Variants in ITGAE observed in about 807,000 individuals in gnomAD.
ITGAE encodes the protein integrin subunit alpha E, also known as integrin alpha-E.
ITGAE carries 99 observed loss-of-function variants against 136.5 expected under a neutral mutation model. That is an observed-to-expected ratio of 0.73 (90% CI 0.62 to 0.86). ITGAE has a LOEUF of 0.86. ITGAE is among the 40% of genes least tolerant of loss of function. The pLI, the probability that ITGAE is intolerant of heterozygous loss-of-function variation, is 0.00. For synonymous variants in ITGAE, 613 were observed against 591.8 expected (o/e 1.04, Z -0.52); for missense variants, 1,447 against 1,515.3 (o/e 0.95, Z 0.75).
intron 10 of ITGAE, 141 bp downstream of exon 10, chr17:3,756,843 A>G: frequency 2.2e-6 from 2 of 901,474 alleles, no homozygotes; most frequent in Middle Eastern, 3.3e-4. Context: ...ACACCCGGCC[A>G]TTGCCTTTTT....
intron 17 of ITGAE, among the ~76,000 whole-genome samples, chr17:3,746,615 C>G (rs1213632213): frequency 6.6e-6 from 1 of 152,110 alleles, no homozygotes; most frequent in African/African-American, 2.4e-5. Context: ...GCCACCACAC[C>G]TGGCTAATTT....
chr17:3,753,962 T>C (rs1567534542), intron 12 of ITGAE, 37 bp from the exon 13 acceptor site: 2 of 1,600,502 alleles, frequency 1.2e-6, no homozygotes, highest in Non-Finnish European at 1.7e-6. Context: ...ACACACCGTG[T>C]GCTCCCACCT....
intron 2 of ITGAE, among the ~76,000 whole-genome samples, chr17:3,766,069 C>G (rs943766895): frequency 6.6e-6 from 1 of 152,154 alleles, no homozygotes; most frequent in Admixed American, 6.5e-5. Context: ...CCTGGATTAT[C>G]TAGGTGGGCT....
intron 2 of ITGAE, among the ~76,000 whole-genome samples, chr17:3,775,395 A>G (rs989847716): frequency 5.3e-5 from 8 of 152,066 alleles, no homozygotes; most frequent in Non-Finnish European, 1.2e-4. Flanking sequence ...TATTTTTCCC[A>G]TTTTCCTAAG....
intron 19 of ITGAE, among the ~76,000 whole-genome samples, chr17:3,741,070 ATTTTTTTTTTTTT>A (rs58434003): frequency 1.3e-5 from 1 of 76,804 alleles, no homozygotes; most frequent in Non-Finnish European, 2.3e-5. Context: ...TTTTTGTTGT[ATTTTTTTTTTTTT>A]TTTTTTTTTT....
chr17:3,743,389 A>G (rs2051631916), intron 19 of ITGAE, 100 bp downstream of exon 19: 4 of 1,375,008 alleles, frequency 2.9e-6, no homozygotes, highest in South Asian at 3.1e-5. Flanking sequence ...GTCTGAAGAC[A>G]TTGCCTCCCA....
At position 3,734,809 on chromosome 17, in the gene ITGAE, A is replaced by T; in HGVS notation, c.2655+8T>A. 2.5e-6 allele frequency: 4 copies of T among 1,614,078 alleles called. No individual in the cohort carries two copies. The highest frequency in any genetic ancestry group is 3.4e-6 in the Non-Finnish European group (4 of 1,179,960). ...GGGACCTGTTTCCACAGCCACCGTC[A>T]CAGTCACCTTTTGCATCCTCTTCAA... On this transcript the variant is annotated splice_region_variant and intron_variant, in intron 21 of 30. Coordinates refer to ENST00000263087, the MANE Select transcript of ITGAE (RefSeq NM_002208.5).
chr17:3,765,991 C>G (rs973084023), intron 2 of ITGAE, among the ~76,000 whole-genome samples: 1 of 152,146 alleles, frequency 6.6e-6, no homozygotes, highest in African/African-American at 2.4e-5. Context: ...AATATGTTGC[C>G]TTTTATGGCA....
At position 3,780,904 on chromosome 17, in the gene ITGAE, A is replaced by G. The variant is rs867668520; in HGVS notation, c.35-3244T>C. On this transcript the variant is annotated intron_variant, in intron 1 of 30. Transcript: ENST00000263087. ...TTTTTTGTAGAGATGGTGTCTCACTATGTTGCCCAGGCTGGTCTCCAACTC... is the reference window on the plus strand; with the variant it reads ...TTTTTTGTAGAGATGGTGTCTCACTGTGTTGCCCAGGCTGGTCTCCAACTC... 2.6e-5 allele frequency among the ~76,000 whole-genome samples: 4 copies of G among 151,614 alleles called. No individual in the cohort carries two copies. In the South Asian group the frequency reaches 6.2e-4, roughly 24 times the overall value.
At chr17:3,784,110 A>G (rs1205485889) in intron 1 of ITGAE, among the ~76,000 whole-genome samples, 1 of 151,962 alleles carries the variant, frequency 6.6e-6, no homozygotes, top group Non-Finnish European at 1.5e-5. Context: ...AATACAAAAA[A>G]TTAGCCGGGC....
intron 28 of ITGAE, chr17:3,721,774 G>C (rs2051055754): frequency 6.6e-6 from 1 of 152,192 alleles, no homozygotes; most frequent in Non-Finnish European, 1.5e-5. Context: ...GGCCGGGTGT[G>C]GTGGCTCATG....
intron 1 of ITGAE, 45 bp downstream of exon 1, chr17:3,801,066 C>A: frequency 1.9e-6 from 3 of 1,608,030 alleles, no homozygotes; most frequent in Non-Finnish European, 2.6e-6. Flanking sequence ...CTGGCTGGAG[C>A]TGAGGGCACA....
At position 3,760,300 on chromosome 17, in the gene ITGAE, A is replaced by G; in HGVS notation, c.599-13T>C. On this transcript the variant is annotated splice_polypyrimidine_tract_variant and intron_variant, in intron 6 of 30. Transcript: ENST00000263087. ...GCAATCTCGGTGCCTGGCCAAGACA[A>G]ACAGGTCAGGAGTGGGCATGGGATG... 6.4e-7 allele frequency: 1 copy of G among 1,557,946 alleles called. No individual in the cohort carries two copies. The highest frequency in any genetic ancestry group is 8.9e-7 in the Non-Finnish European group (1 of 1,129,814).
chr17:3,795,178 T>A (rs1282194966), intron 1 of ITGAE, among the ~76,000 whole-genome samples: 1 of 152,090 alleles, frequency 6.6e-6, no homozygotes, highest in Non-Finnish European at 1.5e-5. Flanking sequence ...CCCCTCAGCA[T>A]CCTGTGGTCT....
chr17:3,724,040 C>T (rs1272185479), intron 26 of ITGAE: 3 of 1,594,946 alleles, frequency 1.9e-6, no homozygotes, highest in Admixed American at 3.4e-5. Flanking sequence ...CGCAGTGGTT[C>T]CCGCCGCAGG....
chr17:3,786,696 C>T (rs8077495), intron 1 of ITGAE, among the ~76,000 whole-genome samples: 2,870 of 152,068 alleles, frequency 0.019, 97 homozygotes, highest in African/African-American at 0.065. Context: ...TTGAGACTAT[C>T]CTGGCCAACA....
At chr17:3,797,157 A>ATAT (rs1301623728) in intron 1 of ITGAE, among the ~76,000 whole-genome samples, 1 of 94,436 alleles carries the variant, frequency 1.1e-5, no homozygotes, top group Non-Finnish European at 2.1e-5. Context: ...ATATATATAT[A>ATAT]TTTTTTTTTT....
At chr17:3,782,274 CAAAAA>C (rs61341691) in intron 1 of ITGAE, among the ~76,000 whole-genome samples, 1 of 47,266 alleles carries the variant, frequency 2.1e-5, no homozygotes, top group Non-Finnish European at 3.5e-5. Context: ...GACTCGGCCT[CAAAAA>C]AAAAAAAAAA....
At chr17:3,721,260 CTTTTTTTTTT>C (rs869087347) in intron 28 of ITGAE, among the ~76,000 whole-genome samples, 4 of 46,202 alleles carry the variant, frequency 8.7e-5, no homozygotes, top group South Asian at 1.2e-3. Context: ...GAGATTTTTC[CTTTTTTTTTT>C]TTTTTTTTTT....
Sources: allele counts gnomAD v4.1 joint callset (sites outside exome capture counted in the v4.1 genomes callset), GRCh38; gene constraint gnomAD v4.1.1; transcripts MANE v1.5; gene names NCBI Gene and HGNC (gene_info 2026-07-23, HGNC 2026-07-21).